Variants in PRKDC observed in about 807,000 individuals in gnomAD.
PRKDC encodes DNA-dependent protein kinase catalytic subunit.
PRKDC carries 82 observed loss-of-function variants against 486.9 expected under a neutral mutation model. The observed-to-expected ratio is 0.17, with a 90% CI of 0.14 to 0.20. The LOEUF (loss-of-function observed/expected upper bound fraction) is 0.20. Among genes scored for constraint, PRKDC ranks in the 10% least tolerant of loss-of-function variants. The pLI, the probability that PRKDC is intolerant of heterozygous loss-of-function variation, is 1.00. For synonymous variants in PRKDC, 1,895 were observed against 1,837.0 expected (o/e 1.03, Z -0.81); for missense variants, 4,504 against 5,038.2 (o/e 0.89, Z 3.21).
At chr8:47,774,728 A>G (rs2086573753) in intron 85 of PRKDC, among the ~76,000 whole-genome samples, 8 of 152,134 alleles carry the variant, frequency 5.3e-5, no homozygotes, top group Admixed American at 5.2e-4. Flanking sequence ...GAGTATGAGG[A>G]GTCCACCTTC....
rs780226425 is a variant in PRKDC, at chr8:47,912,577, G to A, written c.2782-15C>T. ...CAGGCTGCAACCTAAAACAGACCAG[G>A]AGGTCAGCAATGTTTAAGTTATCAC... On this transcript the variant is annotated splice_polypyrimidine_tract_variant and intron_variant, in intron 24 of 85. Transcript: ENST00000314191. The A allele has an allele frequency of 2.5e-6, 4 of 1,577,504 alleles. No individual in the cohort carries two copies. Among genetic ancestry groups the A allele is most frequent in the Non-Finnish European group, 3.5e-6 (4 of 1,159,098 alleles).
chr8:47,887,850 T>C (rs1001017047), intron 34 of PRKDC, 145 bp from the exon 35 acceptor site: 6 of 933,544 alleles, frequency 6.4e-6, no homozygotes, highest in Non-Finnish European at 9.3e-6. Context: ...AATTCAACTT[T>C]GCTTTTGTTG....
intron 68 of PRKDC, among the ~76,000 whole-genome samples, chr8:47,811,039 C>T (rs2087316377): frequency 6.6e-6 from 1 of 152,148 alleles, no homozygotes; most frequent in Non-Finnish European, 1.5e-5. Context: ...ACTGAAAACT[C>T]CCCAAATCTG....
intron 68 of PRKDC, among the ~76,000 whole-genome samples, chr8:47,811,920 TGAGCCAA>T (rs2154498628): frequency 6.6e-6 from 1 of 152,250 alleles, no homozygotes; most frequent in South Asian, 2.1e-4. Flanking sequence ...CAGGTTGCAG[TGAGCCAA>T]GATCATGCCA....
chr8:47,935,036 T>C lies in PRKDC; in HGVS notation c.1470A>G (p.Ile490Met). Residue 490 changes from isoleucine (I) to methionine (M), a missense_variant, in exon 14 of 86, where the codon ATA (isoleucine) becomes ATG (methionine). Ile to Met is a conservative substitution (Grantham distance 10, BLOSUM62 1). Coordinates refer to ENST00000314191, the MANE Select transcript of PRKDC (RefSeq NM_006904.7). ...STVVHQGLIR[I>M]CSKPVVLPKG... ...TTGGAAGGACCACTGGTTTAGAACA[T>C]ATTCTGATTAAACCCTGATGCACTG... 6.6e-7 allele frequency: 1 copy of C among 1,524,902 alleles called. No homozygotes were observed. The highest frequency in any genetic ancestry group is 1.2e-5 in the South Asian group (1 of 80,198). The allele number at this position is 1,524,902 out of a possible 1,614,324, so 94.5% of individuals were successfully genotyped here.
chr8:47,791,343 C>T (rs971058170), intron 74 of PRKDC, among the ~76,000 whole-genome samples: 2 of 152,138 alleles, frequency 1.3e-5, no homozygotes, highest in East Asian at 1.9e-4. Context: ...GGCATGGTGG[C>T]GCCTGCCTGT....
At chr8:47,791,593 A>G (rs1010544917) in intron 74 of PRKDC, among the ~76,000 whole-genome samples, 1 of 152,244 alleles carries the variant, frequency 6.6e-6, no homozygotes, top group South Asian at 2.1e-4. Context: ...ATTTCTCAAA[A>G]GAAAACATAC....
Position 47,779,041 on chromosome 8 carries a change from C to T in PRKDC, c.11542G>A (p.Gly3848Arg). ...ATGTAAGCTCCAACATCATGTTTTC[C>T]TGACATTTTTGTCAGCCAATCTTTA... The part of the protein sequence containing the change: ...EYKDWLTKMS[G>R]KHDVGAYMLM... The change falls in exon 81 of 86, where the codon GGA (glycine) becomes AGA (arginine). Residue 3848 changes from glycine to arginine, a missense_variant. Coordinates refer to ENST00000314191, the MANE Select transcript of PRKDC (RefSeq NM_006904.7). 1.2e-6 allele frequency: 2 copies of T among 1,602,322 alleles called. No homozygotes were observed. Among genetic ancestry groups the T allele is most frequent in the Non-Finnish European group, 1.7e-6 (2 of 1,174,004 alleles).
rs775770027 is a variant in PRKDC at position 47,888,624 on chromosome 8, A to C, written c.4307T>G (p.Leu1436Trp). ...GTCCACTTGCGCGTCAGGGCCATAC[A>C]AGTTGACGGCACAAAGCTCCTCAAT... ...QSIEELCAVN[L>W]YGPDAQVDRS... Residue 1436 changes from leucine (L) to tryptophan (W), a missense_variant, in exon 34 of 86, where the codon TTG becomes TGG. By Grantham distance (61) the Leu-to-Trp change is moderately conservative. Transcript: ENST00000314191. 4.4e-6 allele frequency: 7 copies of C among 1,593,690 alleles called. No homozygotes were observed. In the African/African-American group the frequency reaches 9.4e-5, roughly 21 times the overall value.
In PRKDC at chr8:47,943,298, G is replaced by C; in HGVS notation, c.877C>G (p.Leu293Val). ...STCLLDNYVSLFEVLLKWCAH... is the reference protein window; with the variant it reads ...STCLLDNYVSVFEVLLKWCAH... ...CACCACTTTAACAAGACTTCAAATA[G>C]AGACACGTAGTTGTCCAGAAGGCAG... The change falls in exon 10 of 86, where the codon CTA becomes GTA. Residue 293 changes from leucine (L) to valine (V), a missense_variant. Transcript: ENST00000314191. 1 of 1,612,442 alleles carries C rather than the reference G, an allele frequency of 6.2e-7. No homozygotes were observed. The highest frequency in any genetic ancestry group is 8.5e-7 in the Non-Finnish European group (1 of 1,179,146).
chr8:47,889,269 A>AC lies in PRKDC; in HGVS notation c.4072-48_4072-47insG, dbSNP rs1399381980. On this transcript the variant is annotated intron_variant, in intron 32 of 85. Transcript: ENST00000314191. ...AAACACTTCGTCAGCCAGCACTTCT[A>AC]TTTTCACCAAAGTGCAGGGCCCACA... is the stretch of plus-strand genomic sequence containing the variant. The AC allele has an allele frequency of 5.4e-6, 8 of 1,493,406 alleles. No individual in the cohort carries two copies. The African/African-American group carries it at 8.3e-5, about 16-fold the overall frequency. 92.5% of individuals were successfully genotyped at this position (1,493,406 alleles called of 1,614,324 possible). A position where few individuals can be genotyped will look rare whatever the true frequency, so the allele number is the denominator to read the frequency against.
intron 55 of PRKDC, 30 bp from the exon 56 acceptor site, chr8:47,839,276 C>CAT: frequency 6.8e-7 from 1 of 1,465,426 alleles, no homozygotes; most frequent in Non-Finnish European, 9.5e-7. Context: ...AATGTCACAA[C>CAT]ATTAATGCTC....
intron 85 of PRKDC, 136 bp downstream of exon 85, chr8:47,776,708 C>T: frequency 3.2e-6 from 4 of 1,239,788 alleles, no homozygotes; most frequent in Non-Finnish European, 4.5e-6. Context: ...CTAAGCCCTG[C>T]TTTCCTCCTC....
chr8:47,886,967 A>G (rs1023844453), intron 35 of PRKDC, among the ~76,000 whole-genome samples: 1 of 152,182 alleles, frequency 6.6e-6, no homozygotes, highest in Non-Finnish European at 1.5e-5. Context: ...AGGATAGTCT[A>G]TTAAGGGTGA....
At chr8:47,794,664 T>C (rs1326726162) in intron 73 of PRKDC, among the ~76,000 whole-genome samples, 163 bp from the exon 74 acceptor site, 1 of 152,248 alleles carries the variant, frequency 6.6e-6, no homozygotes, top group Admixed American at 6.5e-5. Flanking sequence ...ACCACTGGAC[T>C]CTCCCAGGCA....
Position 47,935,828 on chromosome 8 carries a change from GACTGTACTGTGGGAA to G in PRKDC, c.1336_1350del (p.Phe446_Ser450del). 1 of 1,613,934 alleles carries G rather than the reference GACTGTACTGTGGGAA, an allele frequency of 6.2e-7. No individual in the cohort carries two copies. Among genetic ancestry groups the G allele is most frequent in the Non-Finnish European group, 8.5e-7 (1 of 1,179,858 alleles). On this transcript the variant is annotated inframe_deletion, in exon 13 of 86. Transcript: ENST00000314191. ...CTGCAACACACCAGCTGCATTTTTG[GACTGTACTGTGGGAA>G]ACTGTCTATCTGCATCACCACGAGG...
intron 40 of PRKDC, among the ~76,000 whole-genome samples, chr8:47,876,950 A>G (rs2089104035): frequency 6.6e-6 from 1 of 152,218 alleles, no homozygotes; most frequent in Admixed American, 6.5e-5. Flanking sequence ...AAGCAGGATC[A>G]CCAGACATTA....
At chr8:47,849,332 G>T in intron 53 of PRKDC, 29 bp from the exon 54 acceptor site, 3 of 1,613,854 alleles carry the variant, frequency 1.9e-6, no homozygotes, top group Non-Finnish European at 1.7e-6. Flanking sequence ...GGTGAGAGGA[G>T]GGCCGAGGAC....
chr8:47,888,578 A>G lies in PRKDC; in HGVS notation c.4353T>C (p.Val1451=). The change falls in exon 34 of 86, where the codon GTT becomes GTC. Residue 1451 remains valine, a synonymous_variant. Transcript: ENST00000314191. ...TGTGAAGCTGTTTACAGGCAGACAC[A>G]ACAGCAGCCAGCCTGCTCCTGTCCA... The part of the protein sequence containing the change: ...AQVDRSRLAA[V]VSACKQLHRA... 1 of 1,588,328 alleles carries G rather than the reference A, an allele frequency of 6.3e-7. No homozygotes were observed. Among genetic ancestry groups the G allele is most frequent in the East Asian group, 2.3e-5 (1 of 43,820 alleles).
Sources: gnomAD v4.1 joint callset for allele counts (sites outside exome capture counted in the v4.1 genomes callset) on GRCh38, gnomAD v4.1.1 for gene constraint, MANE v1.5 for transcripts, NCBI Gene and HGNC (gene_info 2026-07-23, HGNC 2026-07-21) for gene names.